Variants in LCOR observed in about 807,000 individuals in gnomAD.
LCOR encodes the protein ligand dependent nuclear receptor corepressor.
Under a neutral mutation model 64.4 loss-of-function variants are expected in LCOR, and 14 were observed. The observed-to-expected ratio is 0.22, with a 90% CI of 0.14 to 0.34. LCOR has a LOEUF of 0.34. Ranked by LOEUF, LCOR falls within the 10% of genes least tolerant of loss-of-function variation. The pLI is 1.00. For missense variants in LCOR, 1,686 were observed against 1,765.3 expected (o/e 0.96, Z 0.80); for synonymous variants, 643 against 642.5 (o/e 1.00, Z -0.01).
intron 2 of LCOR, among the ~76,000 whole-genome samples, chr10:96,848,991 AGT>A (rs1387895019): frequency 7.0e-6 from 1 of 142,058 alleles, no homozygotes; most frequent in Non-Finnish European, 1.5e-5. Context: ...TTTAAAAATA[AGT>A]GTATATGAGT....
chr10:96,891,530 CTTTTTTTTTTTTTTTTTTTTT>C (rs71007307), intron 2 of LCOR, among the ~76,000 whole-genome samples: 364 of 7,656 alleles, frequency 0.048, 5 homozygotes, highest in Non-Finnish European at 0.074. Context: ...TGTCTTGACT[CTTTTTTTTTTTTTTTTTTTTT>C]TTTTTTTTTT....
chr10:96,975,702 T>C (rs1848033118), intron 7 of LCOR, among the ~76,000 whole-genome samples: 1 of 151,820 alleles, frequency 6.6e-6, no homozygotes, highest in South Asian at 2.1e-4. Context: ...CAATACAAGA[T>C]AAAAATTATA....
intron 2 of LCOR, among the ~76,000 whole-genome samples, chr10:96,873,635 C>G (rs1191017665): frequency 3.4e-5 from 5 of 148,284 alleles, no homozygotes; most frequent in African/African-American, 4.9e-5. Flanking sequence ...CAGGGTCTCC[C>G]TCTGTGGCCC....
chr10:96,939,372 A>G (rs1847408030), intron 4 of LCOR, among the ~76,000 whole-genome samples: 1 of 152,208 alleles, frequency 6.6e-6, no homozygotes, highest in African/African-American at 2.4e-5. Context: ...TTATAGACCT[A>G]AAAGTACGCC....
intron 2 of LCOR, among the ~76,000 whole-genome samples, chr10:96,884,272 C>T (rs11188962): frequency 0.061 from 9,345 of 152,110 alleles, 614 homozygotes; most frequent in East Asian, 0.28. Flanking sequence ...TCAAATATAG[C>T]AAATAGCAAT....
At chr10:96,970,605 TTTTATTTTATTTTATTTTA>T (rs1488893991) in intron 7 of LCOR, among the ~76,000 whole-genome samples, 12 of 148,548 alleles carry the variant, frequency 8.1e-5, no homozygotes, top group African/African-American at 2.5e-4. Flanking sequence ...CAGCATTTTA[TTTTATTTTATTTTATTTTA>T]TTTATTTTAT....
intron 4 of LCOR, among the ~76,000 whole-genome samples, chr10:96,925,548 A>AT (rs1456853089): frequency 6.6e-6 from 1 of 152,198 alleles, no homozygotes; most frequent in East Asian, 1.9e-4. Context: ...CATATCATGA[A>AT]GCATACAATG....
At chr10:96,857,002 CCACTT>C (rs1845816242) in intron 2 of LCOR, among the ~76,000 whole-genome samples, 1 of 151,936 alleles carries the variant, frequency 6.6e-6, no homozygotes. Flanking sequence ...ATAGACTTAA[CCACTT>C]CAAGCCATTC....
intron 2 of LCOR, among the ~76,000 whole-genome samples, chr10:96,891,787 C>G (rs1319321389): frequency 6.6e-6 from 1 of 152,008 alleles, no homozygotes; most frequent in Admixed American, 6.6e-5. Flanking sequence ...CAGGTGATCA[C>G]CTGCCTCGGC....
intron 2 of LCOR, among the ~76,000 whole-genome samples, chr10:96,892,639 C>G (rs1220545959): frequency 6.6e-6 from 1 of 152,166 alleles, no homozygotes; most frequent in Non-Finnish European, 1.5e-5. Flanking sequence ...GGCCCCACTT[C>G]TTAATCCTAT....
rs181246880 is a variant in LCOR, at chr10:96,980,964, G to A, written c.504G>A (p.Ser168=). The change falls in exon 8 of 8, where the codon TCG becomes TCA. Residue 168 remains serine, a synonymous_variant. Transcript: ENST00000421806. ...PGTEDLQPSD[S]GAMDVSTCNA... is the part of the protein sequence containing the mutation. ...CTGAGGACCTGCAGCCTTCTGATTC[G>A]GGAGCAATGGATGTATCCACTTGCA... 3.3e-5 allele frequency: 23 copies of A among 702,948 alleles called. No homozygotes were observed. Among genetic ancestry groups the A allele is most frequent in the Admixed American group, 6.0e-5 (3 of 50,018 alleles). The allele number at this position is 702,948 out of a possible 1,614,324, so 43.5% of individuals were successfully genotyped here. A position where few individuals can be genotyped will look rare whatever the true frequency, so the allele number is the denominator to read the frequency against.
rs550889765 is a variant in LCOR, at chr10:96,987,706, T to G, written c.*2572T>G. 6.6e-5 allele frequency: 10 copies of G among 152,346 alleles called. No homozygotes were observed. The highest frequency in any genetic ancestry group is 2.0e-4 in the Admixed American group (3 of 15,308). The allele number at this position is 152,346 out of a possible 1,614,324, so 9.4% of individuals were successfully genotyped here. ...TTTGTTGAATCTCATTTTTGCTGAT[T>G]CAGTTAATTTTGTTAATAGAAGAAA... On this transcript the variant is annotated 3_prime_UTR_variant, in exon 8 of 8. Coordinates refer to ENST00000421806, the MANE Select transcript of LCOR (RefSeq NM_001346516.2).
At chr10:96,879,977 A>G (rs971859048) in intron 2 of LCOR, among the ~76,000 whole-genome samples, 33 of 152,176 alleles carry the variant, frequency 2.2e-4, no homozygotes, top group Non-Finnish European at 1.5e-5. Flanking sequence ...CTGTATCTTT[A>G]TGATTCTGTT....
At chr10:96,861,011 T>G (rs1332856087) in intron 2 of LCOR, among the ~76,000 whole-genome samples, 1 of 152,220 alleles carries the variant, frequency 6.6e-6, no homozygotes, top group African/African-American at 2.4e-5. Context: ...GAACGATATT[T>G]CTGGGTTCTA....
chr10:96,882,496 C>A (rs537991725), intron 2 of LCOR, among the ~76,000 whole-genome samples: 1 of 152,090 alleles, frequency 6.6e-6, no homozygotes, highest in Non-Finnish European at 1.5e-5. Flanking sequence ...TTCCTATATA[C>A]CCCTTGCTCC....
intron 3 of LCOR, 90 bp downstream of exon 3, chr10:96,907,420 G>T (rs568670583): frequency 3.3e-6 from 1 of 306,754 alleles, no homozygotes; most frequent in Non-Finnish European, 4.8e-6. Flanking sequence ...TTTTATTCAC[G>T]GTTTCATGTG....
chr10:96,954,801 G>T, intron 7 of LCOR: 1 of 519,546 alleles, frequency 1.9e-6, no homozygotes, highest in East Asian at 3.2e-5. Flanking sequence ...TAACTGCTGA[G>T]ACCATTTTTT....
intron 4 of LCOR, among the ~76,000 whole-genome samples, chr10:96,920,451 T>TTC (rs1847033219): frequency 1.0e-5 from 1 of 99,400 alleles, no homozygotes; most frequent in Non-Finnish European, 1.9e-5. Flanking sequence ...TGTGTATATA[T>TTC]ATGTATATTC....
intron 2 of LCOR, among the ~76,000 whole-genome samples, chr10:96,868,472 C>T (rs1395911886): frequency 6.6e-6 from 1 of 151,436 alleles, no homozygotes; most frequent in East Asian, 2.0e-4. Flanking sequence ...GACGGGGTTT[C>T]ACTGTGTTAG....
Sources: gnomAD v4.1 joint callset for allele counts (sites outside exome capture counted in the v4.1 genomes callset) on GRCh38, gnomAD v4.1.1 for gene constraint, MANE v1.5 for transcripts, NCBI Gene and HGNC (gene_info 2026-07-23, HGNC 2026-07-21) for gene names.